PRR29: variants seen among roughly 807,000 people sequenced by gnomAD.
The protein encoded by PRR29 is proline rich 29, also known as proline-rich protein 29.
A neutral mutation model predicts 25.1 loss-of-function variants in PRR29; 20 were observed. That is an observed-to-expected ratio of 0.80 (90% confidence interval 0.56 to 1.16). The LOEUF (loss-of-function observed/expected upper bound fraction) is 1.16. PRR29 is among the 50% of genes most tolerant of loss of function. PRR29 has a pLI of 0.00. For missense variants in PRR29, 238 were observed against 246.6 expected (o/e 0.97, Z 0.23); for synonymous variants, 108 against 102.6 (o/e 1.05, Z -0.32).
In PRR29 at chr17:63,998,878, C is replaced by T. The variant is rs1910341247; in HGVS notation, c.137-90C>T. ...CTCTGGGAGTCCCCGCAGCACAACC[C>T]GCCAACCCATTCTTCACCCCCGGGA... On this transcript the variant is annotated intron_variant, in intron 2 of 5. Coordinates refer to ENST00000412177, the MANE Select transcript of PRR29 (RefSeq NM_001164257.2). 3 of 1,383,182 alleles carry T rather than the reference C, an allele frequency of 2.2e-6. No homozygotes were observed. The Admixed American group carries it at 5.9e-5, about 27-fold the overall frequency. 85.7% of individuals were successfully genotyped at this position (1,383,182 alleles called of 1,614,324 possible).
Position 64,003,608 on chromosome 17 carries a change from TATCA to T in PRR29, c.*1848_*1851del. 6.3e-7 allele frequency: 1 copy of T among 1,576,306 alleles called. No individual in the cohort carries two copies. The highest frequency in any genetic ancestry group is 8.6e-7 in the Non-Finnish European group (1 of 1,156,072). On this transcript the variant is annotated 3_prime_UTR_variant, in exon 6 of 6. Coordinates refer to ENST00000412177, the MANE Select transcript of PRR29 (RefSeq NM_001164257.2). ...TTCCCCCGAGGGGCTGAAAGTGACT[TATCA>T]CTCCCAACTCCATCCACGGATCCCC...
In PRR29 at chr17:64,003,775, G is replaced by A. The variant is rs2143175365; in HGVS notation, c.*2014G>A. The stretch of plus-strand genomic sequence containing the variant: ...TCTGTCAGCCGTGCTGTTGAATGTG[G>A]CTGTGGCCTCCTGCGGAGCAGGGGC... On this transcript the variant is annotated 3_prime_UTR_variant, in exon 6 of 6. Transcript: ENST00000412177. 1.9e-6 allele frequency: 3 copies of A among 1,614,236 alleles called. No homozygotes were observed. The highest frequency in any genetic ancestry group is 2.5e-6 in the Non-Finnish European group (3 of 1,180,048).
In PRR29 at chr17:63,999,125, G is replaced by A. The variant is rs184172044; in HGVS notation, c.243+51G>A. ...CGCTCACCTGTGGGTCCAGGGATGC[G>A]GATCCACCTGGGGTTCCTGTTCAGG... On this transcript the variant is annotated intron_variant, in intron 3 of 5. Transcript: ENST00000412177. 1.8e-4 allele frequency: 251 copies of A among 1,374,188 alleles called. 5 individuals carry two copies. In the South Asian group the frequency reaches 2.8e-3, roughly 15 times the overall value. The allele number at this position is 1,374,188 out of a possible 1,614,324, so 85.1% of individuals were successfully genotyped here.
intron 3 of PRR29, among the ~76,000 whole-genome samples, chr17:64,000,684 G>A (rs569811418): frequency 1.4e-5 from 2 of 145,722 alleles, no homozygotes; most frequent in East Asian, 2.0e-4. Flanking sequence ...ATGGAGTCTC[G>A]CTCTGCCGCC....
chr17:63,998,373 T>A lies in PRR29; in HGVS notation c.9T>A (p.Ser3=), dbSNP rs1443917722. Residue 3 remains serine, a synonymous_variant, in exon 1 of 6, where the codon TCT becomes TCA. Transcript: ENST00000412177. MA[S]GAGGSWGRSP... is the part of the protein sequence containing the mutation. ...GGCAACCGGCGCCAGCCATGGCCTC[T>A]GGGGCGGGCGGAAGCTGGGGTCGCT... 6.5e-7 allele frequency: 1 copy of A among 1,527,778 alleles called. No homozygotes were observed. The allele number at this position is 1,527,778 out of a possible 1,614,324, so 94.6% of individuals were successfully genotyped here.
chr17:63,998,821 A>ACCCCCC, intron 2 of PRR29, 39 bp downstream of exon 2: 1 of 799,904 alleles, frequency 1.3e-6, no homozygotes, highest in Non-Finnish European at 1.8e-6. Flanking sequence ...CCCCACCATC[A>ACCCCCC]CCACCACTCA....
chr17:64,001,599 G>A, intron 5 of PRR29, 62 bp downstream of exon 5: 1 of 1,491,564 alleles, frequency 6.7e-7, no homozygotes, highest in South Asian at 1.3e-5. Context: ...GGCCAGGAGG[G>A]CCCTGTGCCC....
rs1440248686 is a variant in PRR29, at chr17:64,001,506, G to A, written c.510G>A (p.Gly170=). Residue 170 remains glycine, a synonymous_variant, in exon 5 of 6, where the codon GGG becomes GGA. Transcript: ENST00000412177. ...CACCCCCACCCCCCAGTGCCACAGG[G>A]ACTGTGGGTGCTGATGTACCCCCGG... ...VPPPPPPSAT[G]TVGADVPPAS... 6.6e-7 allele frequency: 1 copy of A among 1,512,432 alleles called. No homozygotes were observed. Among genetic ancestry groups the A allele is most frequent in the Admixed American group, 2.1e-5 (1 of 48,280 alleles). 93.7% of individuals were successfully genotyped at this position (1,512,432 alleles called of 1,614,324 possible).
rs968562759 is a variant in PRR29, at chr17:64,004,087, G to A, written c.*2326G>A. On this transcript the variant is annotated 3_prime_UTR_variant, in exon 6 of 6. Coordinates refer to ENST00000412177, the MANE Select transcript of PRR29 (RefSeq NM_001164257.2). The stretch of plus-strand genomic sequence containing the variant: ...CGGTTGGGGAGGAGGTGGCCTGGCC[G>A]GCTCCAGTGCAGAGAGGAAGAGGGC... 16 of 709,102 alleles carry A rather than the reference G, an allele frequency of 2.3e-5. No individual in the cohort carries two copies. The highest frequency in any genetic ancestry group is 1.6e-4 in the Admixed American group (6 of 37,042). 43.9% of individuals were successfully genotyped at this position (709,102 alleles called of 1,614,324 possible).
chr17:64,002,264 C>A lies in PRR29; in HGVS notation c.*503C>A. On this transcript the variant is annotated 3_prime_UTR_variant, in exon 6 of 6. Coordinates refer to ENST00000412177, the MANE Select transcript of PRR29 (RefSeq NM_001164257.2). ...GCAGCGCCCCTGAGCAGAGTCAGTT[C>A]GCTGGGCCCCCCACCCCTCATCCCA... 1 of 512,628 alleles carries A rather than the reference C, an allele frequency of 2.0e-6. No individual in the cohort carries two copies. The highest frequency in any genetic ancestry group is 3.5e-6 in the Non-Finnish European group (1 of 283,694). 31.8% of individuals were successfully genotyped at this position (512,628 alleles called of 1,614,324 possible).
In PRR29 at chr17:63,998,382, C is replaced by A. The variant is rs551838175; in HGVS notation, c.18C>A (p.Gly6=). The A allele has an allele frequency of 1.2e-5, 18 of 1,524,100 alleles. No individual in the cohort carries two copies. In the East Asian group the frequency reaches 3.7e-4, roughly 31 times the overall value. The allele number at this position is 1,524,100 out of a possible 1,614,324, so 94.4% of individuals were successfully genotyped here. ...CGCCAGCCATGGCCTCTGGGGCGGG[C>A]GGAAGCTGGGGTCGCTCCCCACCGC... MASGA[G]GSWGRSPPQS... Residue 6 remains glycine (G), a synonymous_variant, in exon 1 of 6, where the codon GGC becomes GGA. Transcript: ENST00000412177.
In PRR29 at chr17:64,004,042, C is replaced by T. The variant is rs529719600; in HGVS notation, c.*2281C>T. 2 of 1,121,206 alleles carry T rather than the reference C, an allele frequency of 1.8e-6. No homozygotes were observed. The highest frequency in any genetic ancestry group is 1.5e-5 in the African/African-American group (1 of 64,708). 69.5% of individuals were successfully genotyped at this position (1,121,206 alleles called of 1,614,324 possible). ...AGCCTCCCCCTGGCCAGGGCCATCT[C>T]CTGTCACCATGGTGTTCCACGGTTG... On this transcript the variant is annotated 3_prime_UTR_variant, in exon 6 of 6. Coordinates refer to ENST00000412177, the MANE Select transcript of PRR29 (RefSeq NM_001164257.2).
chr17:64,002,008 G>A lies in PRR29; in HGVS notation c.*247G>A, dbSNP rs952258194. 7 of 1,527,696 alleles carry A rather than the reference G, an allele frequency of 4.6e-6. No individual in the cohort carries two copies. The highest frequency in any genetic ancestry group is 4.4e-6 in the Non-Finnish European group (5 of 1,141,262). The allele number at this position is 1,527,696 out of a possible 1,614,324, so 94.6% of individuals were successfully genotyped here. ...CTAGAGCACCACCCAGGCCCTTGAA[G>A]CCACGTCAGCCCGCCTCTGCCCCAC... On this transcript the variant is annotated 3_prime_UTR_variant, in exon 6 of 6. Transcript: ENST00000412177.
chr17:63,999,270 A>G, intron 3 of PRR29, 196 bp downstream of exon 3: 1 of 594,376 alleles, frequency 1.7e-6, no homozygotes, highest in East Asian at 2.8e-5. Context: ...AGACCCCCCA[A>G]AGTCCAGACC....
Position 64,002,616 on chromosome 17 carries a change from G to A in PRR29, c.*855G>A, listed in dbSNP as rs1057286855. On this transcript the variant is annotated 3_prime_UTR_variant, in exon 6 of 6. Coordinates refer to ENST00000412177, the MANE Select transcript of PRR29 (RefSeq NM_001164257.2). The stretch of plus-strand genomic sequence containing the variant: ...GGGCTAAGTCCAGGTGTTTGTATTC[G>A]GGCTAGAAAAGGCAATGTCCCAAGT... 4.3e-5 allele frequency: 34 copies of A among 783,794 alleles called. No individual in the cohort carries two copies. Among genetic ancestry groups the A allele is most frequent in the Non-Finnish European group, 5.6e-5 (28 of 495,952 alleles). The allele number at this position is 783,794 out of a possible 1,614,324, so 48.6% of individuals were successfully genotyped here.
In PRR29 at chr17:64,002,913, T is replaced by C. The variant is rs759286465; in HGVS notation, c.*1152T>C. The C allele has an allele frequency of 4.3e-6, 7 of 1,613,168 alleles. No individual in the cohort carries two copies. The highest frequency in any genetic ancestry group is 5.9e-6 in the Non-Finnish European group (7 of 1,179,660). ...CGTGACTATGATGACCATCTGGCTG[T>C]CCGACACAGGCTCTGGGGAGGGAGG... On this transcript the variant is annotated 3_prime_UTR_variant, in exon 6 of 6. Coordinates refer to ENST00000412177, the MANE Select transcript of PRR29 (RefSeq NM_001164257.2).
At chr17:63,998,925 G>T (rs753035372) in intron 2 of PRR29, 43 bp from the exon 3 acceptor site, 1 of 1,514,524 alleles carries the variant, frequency 6.6e-7, no homozygotes, top group East Asian at 2.4e-5. Flanking sequence ...GGGGGAGGGG[G>T]ACTCGGAGGC....
chr17:63,998,423 C>T lies in PRR29; in HGVS notation c.59C>T (p.Thr20Met), dbSNP rs1910266501. The change falls in exon 1 of 6, where the codon ACG becomes ATG. Residue 20 changes from threonine (T) to methionine (M), a missense_variant and splice_region_variant. By Grantham distance (81) the Thr-to-Met change is moderately conservative. Transcript: ENST00000412177. ...GRSPPQSAVPTPWVTFLQPLS... is the reference protein window; with the variant it reads ...GRSPPQSAVPMPWVTFLQPLS... ...TCCCCACCGCAGAGCGCAGTCCCGA[C>T]GGTGAGGGCTGAGCCCGGGAGCAGA... 2.0e-6 allele frequency: 3 copies of T among 1,489,046 alleles called. No individual in the cohort carries two copies. The highest frequency in any genetic ancestry group is 2.5e-5 in the East Asian group (1 of 39,796). 92.2% of individuals were successfully genotyped at this position (1,489,046 alleles called of 1,614,324 possible).
intron 1 of PRR29, 60 bp downstream of exon 1, chr17:63,998,484 C>A: frequency 7.0e-7 from 1 of 1,434,670 alleles, no homozygotes; most frequent in African/African-American, 1.4e-5. Flanking sequence ...GAGTGGGGAG[C>A]TGTCCCTGGA....
Sources: gnomAD v4.1 joint callset for allele counts (sites outside exome capture counted in the v4.1 genomes callset) on GRCh38, gnomAD v4.1.1 for gene constraint, MANE v1.5 for transcripts, NCBI Gene and HGNC (gene_info 2026-07-23, HGNC 2026-07-21) for gene names.